PCSK5: variants seen among roughly 807,000 people sequenced by gnomAD.
PCSK5 encodes prohormone convertase 5.
In PCSK5, 129 loss-of-function variants were observed where a neutral mutation model predicts 233.2. The observed-to-expected ratio is 0.55, with a 90% confidence interval of 0.48 to 0.64. The LOEUF (loss-of-function observed/expected upper bound fraction) is 0.64, where lower values mean the gene tolerates loss of function less well. Among genes scored for constraint, PCSK5 ranks in the 30% least tolerant of loss-of-function variants. The probability of loss-of-function intolerance (pLI) is 0.00; values close to 1 mark genes in which losing one functional copy is unlikely to be tolerated. For synonymous variants in PCSK5, 825 were observed against 879.2 expected (o/e 0.94, Z 1.09); for missense variants, 2,076 against 2,430.1 (o/e 0.85, Z 3.06).
chr9:76,279,727 G>C (rs1419709173), intron 24 of PCSK5, among the ~76,000 whole-genome samples: 1 of 151,974 alleles, frequency 6.6e-6, no homozygotes, highest in East Asian at 1.9e-4. Context: ...AGAAGTGTCT[G>C]TTCATGTCCT....
At chr9:76,189,279 T>G in intron 19 of PCSK5, 56 bp downstream of exon 19, 1 of 1,484,792 alleles carries the variant, frequency 6.7e-7, no homozygotes, top group Admixed American at 1.9e-5. Flanking sequence ...TTTTGATGAC[T>G]ATCTTCATAA....
chr9:76,029,381 A>C (rs1205117966), intron 5 of PCSK5, among the ~76,000 whole-genome samples: 5 of 148,136 alleles, frequency 3.4e-5, no homozygotes, highest in African/African-American at 1.3e-4. Context: ...GAAGAAAAAT[A>C]AAAATAAAAA....
At chr9:76,119,163 G>C (rs1239606431) in intron 9 of PCSK5, among the ~76,000 whole-genome samples, 1 of 151,936 alleles carries the variant, frequency 6.6e-6, no homozygotes, top group African/African-American at 2.4e-5. Context: ...GTGTTTCAAA[G>C]TCACTCGAAA....
chr9:76,202,163 C>T (rs967807375), intron 20 of PCSK5, among the ~76,000 whole-genome samples: 5 of 152,182 alleles, frequency 3.3e-5, no homozygotes, highest in African/African-American at 1.2e-4. Context: ...ACATCTCCTT[C>T]GTCACTCCCA....
At chr9:76,320,200 T>C (rs1189342967) in intron 30 of PCSK5, among the ~76,000 whole-genome samples, 3 of 151,892 alleles carry the variant, frequency 2.0e-5, no homozygotes, top group African/African-American at 4.8e-5. Context: ...CACCTGCTAA[T>C]AAGCACCGTA....
intron 20 of PCSK5, among the ~76,000 whole-genome samples, chr9:76,213,417 GTAAA>G (rs947690052): frequency 1.3e-5 from 2 of 152,104 alleles, no homozygotes; most frequent in African/African-American, 4.8e-5. Context: ...TGGGGACAGG[GTAAA>G]TAAAGGCAGC....
chr9:76,299,657 G>A (rs1003049007), intron 27 of PCSK5, among the ~76,000 whole-genome samples: 10 of 152,030 alleles, frequency 6.6e-5, no homozygotes, highest in African/African-American at 2.4e-4. Flanking sequence ...GGGCAACAGA[G>A]AGACTCCATC....
intron 24 of PCSK5, among the ~76,000 whole-genome samples, chr9:76,252,297 A>AATAAT (rs1554712538): frequency 3.7e-4 from 57 of 152,136 alleles, no homozygotes; most frequent in African/African-American, 1.3e-3. Flanking sequence ...ATAATAATAA[A>AATAAT]AATAAGATAA....
At chr9:76,139,024 G>A (rs1823092593) in intron 10 of PCSK5, among the ~76,000 whole-genome samples, 1 of 151,748 alleles carries the variant, frequency 6.6e-6, no homozygotes. Context: ...ACAATTGACA[G>A]TCTAACATGA....
chr9:76,323,065 GT>G lies in PCSK5; in HGVS notation c.4118del (p.Phe1373SerfsTer81). The G allele has an allele frequency of 6.3e-7, 1 of 1,599,622 alleles. No individual in the cohort carries two copies. The highest frequency in any genetic ancestry group is 8.5e-7 in the Non-Finnish European group (1 of 1,171,866). ...TCCTTTTCCCAGAGTGCACGCCTGA[GT>G]TCTTCCTGCACGATGATATGTGCCA... is the stretch of plus-strand genomic sequence containing the variant. ...EKTCKECTPE[F>X]FLHDDMCHQS... On this transcript the variant is annotated frameshift_variant, in exon 32 of 38. Transcript: ENST00000674117. LOFTEE classifies it high-confidence loss of function.
At chr9:76,178,725 A>G (rs1250996505) in intron 14 of PCSK5, among the ~76,000 whole-genome samples, 1 of 152,238 alleles carries the variant, frequency 6.6e-6, no homozygotes. Flanking sequence ...TTAAAATCAT[A>G]TGAATTTTCA....
chr9:76,263,864 T>A (rs1177768349), intron 24 of PCSK5, among the ~76,000 whole-genome samples: 1 of 151,498 alleles, frequency 6.6e-6, no homozygotes, highest in Non-Finnish European at 1.5e-5. Flanking sequence ...AGAATCAATA[T>A]CATTAAAGTG....
chr9:76,197,651 A>C (rs1271695525), intron 20 of PCSK5, among the ~76,000 whole-genome samples: 1 of 152,200 alleles, frequency 6.6e-6, no homozygotes, highest in African/African-American at 2.4e-5. Flanking sequence ...TGTGTTGAAC[A>C]GAAATTGCAT....
At position 76,321,616 on chromosome 9, in the gene PCSK5, G is replaced by A. The variant is rs1444678703; in HGVS notation, c.4079G>A (p.Cys1360Tyr). ...CKHCPEMCQD[C>Y]IHEKTCKECT... The stretch of plus-strand genomic sequence containing the variant: ...CATTGCCCAGAGATGTGTCAGGACT[G>A]CATCCATGAGAAAACATGCAAAGGT... Residue 1360 changes from cysteine to tyrosine, a missense_variant, in exon 31 of 38, where the codon TGC (cysteine) becomes TAC (tyrosine). Cys to Tyr is a radical substitution (Grantham distance 194, BLOSUM62 -2). Transcript: ENST00000674117. The A allele has an allele frequency of 6.2e-7, 1 of 1,611,212 alleles. No individual in the cohort carries two copies. The highest frequency in any genetic ancestry group is 8.5e-7 in the Non-Finnish European group (1 of 1,178,600).
chr9:76,032,998 T>C (rs1828711055), intron 5 of PCSK5, among the ~76,000 whole-genome samples: 2 of 152,202 alleles, frequency 1.3e-5, no homozygotes, highest in Admixed American at 1.3e-4. Flanking sequence ...TGTTGTTTCT[T>C]ATCTCTGATT....
intron 2 of PCSK5, among the ~76,000 whole-genome samples, chr9:75,951,392 C>T (rs769263920): frequency 2.8e-4 from 42 of 152,158 alleles, no homozygotes; most frequent in African/African-American, 8.7e-4. Flanking sequence ...CTGAAACAGT[C>T]GGTTTTCTCT....
At chr9:76,286,531 C>T (rs1363526663) in intron 24 of PCSK5, 2 of 155,588 alleles carry the variant, frequency 1.3e-5, no homozygotes, top group Admixed American at 6.5e-5. Context: ...AGCTCCATCT[C>T]TGAGGGTCCT....
intron 8 of PCSK5, among the ~76,000 whole-genome samples, chr9:76,099,361 A>G (rs1437346248): frequency 1.3e-5 from 2 of 152,158 alleles, no homozygotes; most frequent in African/African-American, 4.8e-5. Context: ...CATGAAGATA[A>G]TAAAAGACTG....
intron 5 of PCSK5, among the ~76,000 whole-genome samples, chr9:76,050,192 A>T (rs1262108548): frequency 1.3e-5 from 2 of 152,194 alleles, no homozygotes; most frequent in Non-Finnish European, 2.9e-5. Flanking sequence ...GTAGTTAAGA[A>T]GGTCTTTATA....
Sources: gnomAD v4.1 joint callset for allele counts (sites outside exome capture counted in the v4.1 genomes callset) on GRCh38, gnomAD v4.1.1 for gene constraint, MANE v1.5 for transcripts, NCBI Gene and HGNC (gene_info 2026-07-23, HGNC 2026-07-21) for gene names.